The following IGSF10 variants were observed in gnomAD, a reference collection of about 807,000 sequenced individuals.
The protein encoded by IGSF10 is calvaria mechanical force protein 608.
Under a neutral mutation model 128.2 loss-of-function variants are expected in IGSF10, and 126 were observed. The ratio of observed to expected loss-of-function variants is 0.98; its 90% CI spans 0.85 to 1.14. The LOEUF (loss-of-function observed/expected upper bound fraction) is 1.14. Ranked by LOEUF, IGSF10 falls within the 50% of genes most tolerant of loss-of-function variation. The pLI, the probability that IGSF10 is intolerant of heterozygous loss-of-function variation, is 0.00. For missense variants in IGSF10, 3,295 were observed against 3,149.8 expected (o/e 1.05, Z -1.10); for synonymous variants, 1,185 against 1,146.2 (o/e 1.03, Z -0.68).
At chr3:151,590,634 T>C in the IGSF10 span, among the ~76,000 whole-genome samples, 1 of 152,198 alleles carries the variant, frequency 6.6e-6, no homozygotes, top group Non-Finnish European at 1.5e-5. Flanking sequence ...GCAGTATTCA[T>C]GACCAAGGTG....
chr3:151,538,490 C>T, the IGSF10 span, among the ~76,000 whole-genome samples: 3 of 151,940 alleles, frequency 2.0e-5, no homozygotes, highest in Non-Finnish European at 2.9e-5. Flanking sequence ...GTAGAAGAAA[C>T]GTAAGACCAC....
chr3:151,496,464 G>A, the IGSF10 span, among the ~76,000 whole-genome samples: 1 of 144,224 alleles, frequency 6.9e-6, no homozygotes. Flanking sequence ...TTCTGTCCTT[G>A]TGATAGTTTG....
At chr3:151,554,365 T>G in the IGSF10 span, among the ~76,000 whole-genome samples, 5 of 150,236 alleles carry the variant, frequency 3.3e-5, no homozygotes, top group East Asian at 6.0e-4. Context: ...GATCAGCCTG[T>G]TTTTTTTTCC....
upstream of IGSF10, among the ~76,000 whole-genome samples, chr3:151,463,523 GTTTTTTTTTTTTTTTT>G (rs745415781): frequency 2.2e-3 from 69 of 31,284 alleles, no homozygotes; most frequent in Non-Finnish European, 3.8e-3. Flanking sequence ...ACATTTTCTG[GTTTTTTTTTTTTTTTT>G]TTTTTTTTTT....
At chr3:151,436,033 T>G (rs971836912), downstream of IGSF10, 1 of 152,172 alleles carries the variant, frequency 6.6e-6, no homozygotes, top group African/African-American at 2.4e-5. Flanking sequence ...TGGACAAAAA[T>G]AACCCCCTTT....
the IGSF10 span, among the ~76,000 whole-genome samples, chr3:151,521,199 C>G: frequency 6.6e-6 from 1 of 151,892 alleles, no homozygotes; most frequent in Non-Finnish European, 1.5e-5. Context: ...ATACCCAAAA[C>G]AGGAGCACCC....
At chr3:151,461,772 C>T (rs750572934), upstream of IGSF10, among the ~76,000 whole-genome samples, 7 of 152,178 alleles carry the variant, frequency 4.6e-5, no homozygotes, top group Admixed American at 6.5e-5. Context: ...AATTCTCTAT[C>T]TCTGTATAAT....
At chr3:151,440,518 G>GT (rs1011504713) in intron 7 of IGSF10, 4 of 456,424 alleles carry the variant, frequency 8.8e-6, no homozygotes, top group African/African-American at 8.0e-5. Context: ...TAATCTTGAA[G>GT]TAATTCCCTC....
Position 151,447,091 on chromosome 3 carries a change from G to C in IGSF10, c.2890C>G (p.Pro964Ala), listed in dbSNP as rs1721241104. 6.2e-7 allele frequency: 1 copy of C among 1,614,034 alleles called. No homozygotes were observed. Among genetic ancestry groups the C allele is most frequent in the African/African-American group, 1.3e-5 (1 of 74,904 alleles). ...TGAGAATAGAAGTGATTGTGCCTGGGTTCACTCACTTCTCTTACAGATGTC... is the reference window on the plus strand; with the variant it reads ...TGAGAATAGAAGTGATTGTGCCTGGCTTCACTCACTTCTCTTACAGATGTC... ...HQTSVREVSE[P>A]RHNHFYSHTT... Residue 964 changes from proline (P) to alanine (A), a missense_variant, in exon 6 of 8, where the codon CCC (proline) becomes GCC (alanine). By Grantham distance (27) the Pro-to-Ala change is conservative. Coordinates refer to ENST00000282466, the MANE Select transcript of IGSF10 (RefSeq NM_178822.5).
chr3:151,446,670 G>A lies in IGSF10; in HGVS notation c.3311C>T (p.Thr1104Ile). The A allele has an allele frequency of 1.9e-6, 3 of 1,614,006 alleles. No individual in the cohort carries two copies. The South Asian group carries it at 3.3e-5, about 18-fold the overall frequency. The change falls in exon 6 of 8, where the codon ACT (threonine) becomes ATT (isoleucine). Residue 1104 changes from threonine to isoleucine, a missense_variant. Coordinates refer to ENST00000282466, the MANE Select transcript of IGSF10 (RefSeq NM_178822.5). ...TAGTAATAGTGGATTCTGGACTAGA[G>A]TTGTAGACTCTTCTGATGGGACTCT... Reference protein sequence around the residue: ...IARVPSEESTTLVQNPLLLLE... With the variant: ...IARVPSEESTILVQNPLLLLE...
chr3:151,438,372 G>C lies in IGSF10; in HGVS notation c.6189C>G (p.Ser2063=). 6.2e-7 allele frequency: 1 copy of C among 1,614,116 alleles called. No homozygotes were observed. The highest frequency in any genetic ancestry group is 8.5e-7 in the Non-Finnish European group (1 of 1,180,004). The change falls in exon 8 of 8, where the codon TCC becomes TCG. Residue 2063 remains serine, a synonymous_variant. Coordinates refer to ENST00000282466, the MANE Select transcript of IGSF10 (RefSeq NM_178822.5). ...AAGATATCTCTGGCACTGGGGAGCC[G>C]GAAGCTTTGCAATCTACTTGGAAAT... The part of the protein sequence containing the change: ...GKDFQVDCKA[S]GSPVPEISWS...
the IGSF10 span, among the ~76,000 whole-genome samples, chr3:151,604,153 A>G: frequency 1.3e-5 from 2 of 152,188 alleles, no homozygotes; most frequent in Non-Finnish European, 2.9e-5. Context: ...TAGTAAGTAA[A>G]CTATCTAAAC....
chr3:151,481,096 G>A, the IGSF10 span, among the ~76,000 whole-genome samples: 1 of 152,082 alleles, frequency 6.6e-6, no homozygotes, highest in African/African-American at 2.4e-5. Flanking sequence ...TAGCTGACAT[G>A]GTGCCTGACC....
chr3:151,437,359 G>C lies in IGSF10; in HGVS notation c.7202C>G (p.Thr2401Arg), dbSNP rs758246100. Residue 2401 changes from threonine to arginine, a missense_variant, in exon 8 of 8, where the codon ACA (threonine) becomes AGA (arginine). Physicochemically the swap from Thr to Arg is moderately conservative, Grantham distance 71 (BLOSUM62 -1). Transcript: ENST00000282466. ...ATATTTTCCTGCATCCTCCCGAGTT[G>C]TTTTAGAAATGATAAAAGAACCATT... is the stretch of plus-strand genomic sequence containing the variant. ...ASNGSFIISK[T>R]TREDAGKYRC... 1.9e-6 allele frequency: 3 copies of C among 1,614,124 alleles called. No homozygotes were observed. Among genetic ancestry groups the C allele is most frequent in the East Asian group, 2.2e-5 (1 of 44,870 alleles).
the IGSF10 span, among the ~76,000 whole-genome samples, chr3:151,506,880 A>G: frequency 1.3e-5 from 2 of 152,220 alleles, no homozygotes; most frequent in African/African-American, 4.8e-5. Context: ...GAGCTATAAA[A>G]TCTGCTTCTA....
At chr3:151,588,993 A>G in the IGSF10 span, among the ~76,000 whole-genome samples, 1 of 152,196 alleles carries the variant, frequency 6.6e-6, no homozygotes, top group East Asian at 1.9e-4. Flanking sequence ...TATTATAGCA[A>G]TAATCTTAGG....
the IGSF10 span, among the ~76,000 whole-genome samples, chr3:151,606,128 G>A: frequency 6.6e-6 from 1 of 152,168 alleles, no homozygotes; most frequent in Non-Finnish European, 1.5e-5. Flanking sequence ...ACTAAGTTCT[G>A]CCACCTGTCT....
the IGSF10 span, among the ~76,000 whole-genome samples, chr3:151,552,066 C>T: frequency 2.8e-4 from 43 of 152,222 alleles, no homozygotes; most frequent in Admixed American, 5.9e-4. Flanking sequence ...GATTGGGTCA[C>T]GGGGACAGAT....
At position 151,446,221 on chromosome 3, in the gene IGSF10, T is replaced by G; in HGVS notation, c.3760A>C (p.Thr1254Pro). Reference protein sequence around the residue: ...RDKVSPFHFTTLSTSVMQIPS... With the variant: ...RDKVSPFHFTPLSTSVMQIPS... ...ATTTGCATCACACTTGTTGAAAGTG[T>G]GGTGAAATGGAAAGGGGAGACTTTG... The change falls in exon 6 of 8, where the codon ACA becomes CCA. Residue 1254 changes from threonine to proline, a missense_variant. Coordinates refer to ENST00000282466, the MANE Select transcript of IGSF10 (RefSeq NM_178822.5). The G allele has an allele frequency of 6.2e-7, 1 of 1,613,570 alleles. No homozygotes were observed. The highest frequency in any genetic ancestry group is 8.5e-7 in the Non-Finnish European group (1 of 1,179,582).
Sources: allele counts gnomAD v4.1 joint callset (sites outside exome capture counted in the v4.1 genomes callset), GRCh38; gene constraint gnomAD v4.1.1; transcripts MANE v1.5; gene names NCBI Gene and HGNC (gene_info 2026-07-23, HGNC 2026-07-21).